The following TMEM74 variants were observed in gnomAD, a reference collection of about 807,000 sequenced individuals.
The protein encoded by TMEM74 is transmembrane protein 74.
In TMEM74, 13 loss-of-function variants were observed where a neutral mutation model predicts 18.1. The observed-to-expected ratio is 0.72, with a 90% CI of 0.47 to 1.14. The LOEUF (loss-of-function observed/expected upper bound fraction) is 1.14, where lower values mean the gene tolerates loss of function less well. TMEM74 is among the 50% of genes most tolerant of loss of function. The pLI, the probability that TMEM74 is intolerant of heterozygous loss-of-function variation, is 0.00. For synonymous variants in TMEM74, 159 were observed against 146.6 expected, an observed-to-expected ratio of 1.08 and a Z score of -0.61; for missense variants, 372 against 375.9, an observed-to-expected ratio of 0.99 and a Z score of 0.09.
At chr8:108,765,348 T>C (rs1254039568) in intron 1 of TMEM74, among the ~76,000 whole-genome samples, 3 of 151,168 alleles carry the variant, frequency 2.0e-5, no homozygotes, top group Non-Finnish European at 4.4e-5. Flanking sequence ...GGGATGGTGA[T>C]GAGCTTGGGG....
chr8:108,718,028 G>A (rs1186675549), intron 1 of TMEM74, among the ~76,000 whole-genome samples: 3 of 58,730 alleles, frequency 5.1e-5, no homozygotes, highest in South Asian at 6.7e-4. Flanking sequence ...GCGGGATCTC[G>A]GCTCACTGCA....
At position 108,761,902 on chromosome 8, in the gene TMEM74, C is replaced by G. The variant is rs539072827; in HGVS notation, n.119+25574G>C. Among the ~76,000 whole-genome samples the G allele has an allele frequency of 2.0e-5, 3 of 152,232 alleles. No homozygotes were observed. The South Asian group carries it at 6.2e-4, about 32-fold the overall frequency. On this transcript the variant is annotated intron_variant and non_coding_transcript_variant, in intron 1 of 3. Coordinates refer to the TMEM74 transcript ENST00000518838. ...TTTGCTATCAAGTCACAACACAAAA[C>G]AGACCCGCCACAGGGCTTGGAGCCC...
Position 108,784,974 on chromosome 8 carries a change from C to A in TMEM74, c.125G>T (p.Cys42Phe). Residue 42 changes from cysteine to phenylalanine, a missense_variant, in exon 2 of 2, where the codon TGT becomes TTT. By Grantham distance (205) the Cys-to-Phe change is radical. Transcript: ENST00000297459. ...DTAATRAALC[C>F]QKQCASTPRA... ...TGGGGTGGATGCACACTGTTTCTGA[C>A]AGCAGAGAGCAGCTCTTGTGGCTGC... 1.2e-6 allele frequency: 2 copies of A among 1,614,106 alleles called. No individual in the cohort carries two copies. Among genetic ancestry groups the A allele is most frequent in the South Asian group, 2.2e-5 (2 of 91,068 alleles).
chr8:108,709,368 G>A (rs986894527), intron 1 of TMEM74, among the ~76,000 whole-genome samples: 1 of 152,132 alleles, frequency 6.6e-6, no homozygotes, highest in South Asian at 2.1e-4. Context: ...GTATCCTGCT[G>A]TTTGTGACAA....
chr8:108,727,879 T>A (rs181697959), intron 1 of TMEM74, among the ~76,000 whole-genome samples: 46 of 152,198 alleles, frequency 3.0e-4, no homozygotes, highest in African/African-American at 1.1e-3. Context: ...AGGAAGTAAG[T>A]CAGGGGAATG....
chr8:108,750,709 G>A (rs1266903419), intron 1 of TMEM74, among the ~76,000 whole-genome samples: 1 of 152,102 alleles, frequency 6.6e-6, no homozygotes, highest in South Asian at 2.1e-4. Flanking sequence ...AAATGGGCAT[G>A]CGTACAACTG....
chr8:108,763,838 G>A (rs1240174279), intron 1 of TMEM74, among the ~76,000 whole-genome samples: 2 of 152,040 alleles, frequency 1.3e-5, no homozygotes, highest in Admixed American at 1.3e-4. Context: ...ATAGTCTCAG[G>A]ATTAAACAAA....
intron 1 of TMEM74, among the ~76,000 whole-genome samples, chr8:108,716,784 TA>T (rs796807845): frequency 2.2e-4 from 33 of 147,092 alleles, no homozygotes; most frequent in South Asian, 4.3e-4. Flanking sequence ...CTTTAAGAAT[TA>T]AAAAAAAACA....
intron 1 of TMEM74, among the ~76,000 whole-genome samples, chr8:108,701,983 A>C (rs908615356): frequency 5.3e-5 from 8 of 152,146 alleles, no homozygotes; most frequent in Non-Finnish European, 1.0e-4. Context: ...GGCAGTTAAC[A>C]CTACCCAACA....
rs540097204 is a variant in TMEM74, at chr8:108,766,611, G to T, written n.119+20865C>A. Among the ~76,000 whole-genome samples, 5 of 152,190 alleles carry T rather than the reference G, an allele frequency of 3.3e-5. No homozygotes were observed. The South Asian group carries it at 1.0e-3, about 32-fold the overall frequency. On this transcript the variant is annotated intron_variant and non_coding_transcript_variant, in intron 1 of 3. Transcript: ENST00000518838. ...CCCATAGGTCTTTGCATTAGTCAGGGTTCTCTAGTGGGAAGAACAAATAGG... is the reference window on the plus strand; with the variant it reads ...CCCATAGGTCTTTGCATTAGTCAGGTTTCTCTAGTGGGAAGAACAAATAGG...
intron 2 of TMEM74, among the ~76,000 whole-genome samples, chr8:108,632,796 G>A (rs1812568244): frequency 6.6e-6 from 1 of 151,962 alleles, no homozygotes; most frequent in Admixed American, 6.6e-5. Flanking sequence ...CCTAATGTGG[G>A]AGTCTCTGAA....
chr8:108,744,677 T>G (rs1409374972), intron 1 of TMEM74, among the ~76,000 whole-genome samples: 1 of 152,202 alleles, frequency 6.6e-6, no homozygotes, highest in Non-Finnish European at 1.5e-5. Flanking sequence ...GTTTTACACC[T>G]GGGAAGAAAA....
intron 1 of TMEM74, among the ~76,000 whole-genome samples, chr8:108,696,318 T>C (rs1813281015): frequency 6.6e-6 from 1 of 152,232 alleles, no homozygotes; most frequent in South Asian, 2.1e-4. Context: ...TACATTTCTA[T>C]ATTGCAAATG....
At chr8:108,690,298 T>C (rs1003289767) in intron 1 of TMEM74, among the ~76,000 whole-genome samples, 3 of 152,176 alleles carry the variant, frequency 2.0e-5, no homozygotes, top group Admixed American at 1.3e-4. Context: ...ATTTTACATA[T>C]GGCTTTAAAA....
chr8:108,712,720 T>C (rs542563837), intron 1 of TMEM74, among the ~76,000 whole-genome samples: 1 of 152,144 alleles, frequency 6.6e-6, no homozygotes, highest in Non-Finnish European at 1.5e-5. Context: ...TATATGTGTG[T>C]GCGTGTGTGT....
intron 1 of TMEM74, among the ~76,000 whole-genome samples, chr8:108,785,391 T>C (rs1443317133): frequency 2.6e-5 from 4 of 152,146 alleles, no homozygotes. Flanking sequence ...GAAGTGGCAG[T>C]GTCTACTGAG....
chr8:108,704,125 G>T (rs1179059232), intron 1 of TMEM74, among the ~76,000 whole-genome samples: 2 of 152,190 alleles, frequency 1.3e-5, no homozygotes, highest in East Asian at 3.8e-4. Context: ...GCTTGGAAAG[G>T]TCAACTTGCC....
intron 2 of TMEM74, chr8:108,626,914 A>C (rs1812499802): frequency 6.6e-6 from 1 of 152,002 alleles, no homozygotes. Context: ...CAAGAAATCC[A>C]TAAATGATTT....
intron 1 of TMEM74, among the ~76,000 whole-genome samples, chr8:108,669,459 T>G (rs913979287): frequency 5.3e-5 from 8 of 152,074 alleles, no homozygotes; most frequent in Admixed American, 2.0e-4. Context: ...CAGAGAAAAT[T>G]TGGGCTGGTG....
Sources: gnomAD v4.1 joint callset for allele counts (sites outside exome capture counted in the v4.1 genomes callset) on GRCh38, gnomAD v4.1.1 for gene constraint, MANE v1.5 for transcripts, NCBI Gene and HGNC (gene_info 2026-07-23, HGNC 2026-07-21) for gene names.